The following PLCG2 variants were observed in gnomAD, a reference collection of about 807,000 sequenced individuals.
The protein encoded by PLCG2 is 1-phosphatidylinositol 4,5-bisphosphate phosphodiesterase gamma-2.
Under a neutral mutation model 175.6 loss-of-function variants are expected in PLCG2, and 69 were observed. That is an observed-to-expected ratio of 0.39 (90% CI 0.32 to 0.48). The LOEUF (loss-of-function observed/expected upper bound fraction) is 0.48, where lower values mean the gene tolerates loss of function less well. PLCG2 is among the 20% of genes least tolerant of loss of function. PLCG2 has a pLI of 0.91. For missense variants in PLCG2, 1,798 were observed against 1,650.9 expected (o/e 1.09, Z -1.54); for synonymous variants, 827 against 624.0 (o/e 1.33, Z -4.85).
intron 1 of PLCG2, among the ~76,000 whole-genome samples, chr16:81,782,538 C>T (rs114853677): frequency 0.013 from 1,994 of 152,280 alleles, 44 homozygotes; most frequent in African/African-American, 0.044. Context: ...TGGGTGCTGG[C>T]AGGATTTGAA....
At chr16:81,898,069 C>G (rs940770159) in intron 13 of PLCG2, 1 of 305,974 alleles carries the variant, frequency 3.3e-6, no homozygotes, top group African/African-American at 2.3e-5. Context: ...AGACACTGTG[C>G]AGTGGCAGCT....
chr16:81,887,640 A>G (rs1048690621), intron 9 of PLCG2, among the ~76,000 whole-genome samples: 4 of 152,096 alleles, frequency 2.6e-5, no homozygotes, highest in African/African-American at 7.2e-5. Flanking sequence ...CTGTTCTTCT[A>G]TTTTTCATTG....
chr16:81,783,618 C>T (rs978665403), intron 1 of PLCG2, among the ~76,000 whole-genome samples: 1 of 152,158 alleles, frequency 6.6e-6, no homozygotes, highest in African/African-American at 2.4e-5. Flanking sequence ...CTTGGGATTT[C>T]AGTTTTCCGC....
intron 2 of PLCG2, among the ~76,000 whole-genome samples, chr16:81,814,967 T>C (rs1904478546): frequency 6.6e-6 from 1 of 152,222 alleles, no homozygotes; most frequent in Non-Finnish European, 1.5e-5. Context: ...CTGCTGGAGA[T>C]GGTGGCGATA....
chr16:81,783,890 T>G (rs1200732287), intron 1 of PLCG2, among the ~76,000 whole-genome samples: 1 of 152,212 alleles, frequency 6.6e-6, no homozygotes, highest in African/African-American at 2.4e-5. Context: ...TAAAGCCAGT[T>G]CCTCCTGCTT....
At position 81,959,151 on chromosome 16, in the gene PLCG2, C is replaced by T. The variant is rs1911688223; in HGVS notation, c.*1153C>T. On this transcript the variant is annotated 3_prime_UTR_variant, in exon 33 of 33. Transcript: ENST00000564138. The stretch of plus-strand genomic sequence containing the variant: ...GAGGTGGTTGGTAGAGTCACAACTT[C>T]TCAATGAGTGAATTTACAGCTGATG... The T allele has an allele frequency of 8.9e-6, 2 of 224,542 alleles. No homozygotes were observed. Among genetic ancestry groups the T allele is most frequent in the East Asian group, 1.3e-4 (2 of 15,544 alleles). The allele number at this position is 224,542 out of a possible 1,614,324, so 13.9% of individuals were successfully genotyped here. A position where few individuals can be genotyped will look rare whatever the true frequency, so the allele number is the denominator to read the frequency against.
At position 81,859,271 on chromosome 16, in the gene PLCG2, C is replaced by G. The variant is rs1042179437; in HGVS notation, c.479+108C>G. The G allele has an allele frequency of 3.5e-5, 26 of 736,502 alleles. No homozygotes were observed. The African/African-American group carries it at 4.2e-4, about 12-fold the overall frequency. The allele number at this position is 736,502 out of a possible 1,614,324, so 45.6% of individuals were successfully genotyped here. ...TGACTTGTCGGGAGCAAGGTCCTCACTGCGTCCATTGTGATCTGCGGATGC... is the reference window on the plus strand; with the variant it reads ...TGACTTGTCGGGAGCAAGGTCCTCAGTGCGTCCATTGTGATCTGCGGATGC... On this transcript the variant is annotated intron_variant, in intron 5 of 32. Coordinates refer to ENST00000564138, the MANE Select transcript of PLCG2 (RefSeq NM_002661.5).
chr16:81,824,714 G>A (rs1904969535), intron 2 of PLCG2, among the ~76,000 whole-genome samples: 1 of 152,192 alleles, frequency 6.6e-6, no homozygotes, highest in Non-Finnish European at 1.5e-5. Flanking sequence ...GTGACCTCTG[G>A]CCTTTTTGTC....
intron 9 of PLCG2, among the ~76,000 whole-genome samples, chr16:81,886,324 C>G (rs757896811): frequency 3.3e-5 from 5 of 152,212 alleles, no homozygotes; most frequent in Non-Finnish European, 7.3e-5. Flanking sequence ...AGGACCCGAG[C>G]AGCCATGAGC....
At chr16:81,897,347 T>A (rs975743255) in intron 13 of PLCG2, among the ~76,000 whole-genome samples, 7 of 152,174 alleles carry the variant, frequency 4.6e-5, no homozygotes, top group Admixed American at 3.9e-4. Context: ...TGAGTACTAG[T>A]TTGGGCAAAG....
intron 1 of PLCG2, among the ~76,000 whole-genome samples, chr16:81,747,036 A>G (rs935803083): frequency 1.3e-5 from 2 of 152,204 alleles, no homozygotes; most frequent in Admixed American, 6.5e-5. Flanking sequence ...CAGTGAGATG[A>G]AAGTTAAAAG....
intron 1 of PLCG2, among the ~76,000 whole-genome samples, chr16:81,753,493 A>G (rs909703973): frequency 1.3e-5 from 2 of 150,932 alleles, no homozygotes; most frequent in South Asian, 4.2e-4. Flanking sequence ...ATCTTGGCTC[A>G]CTGATGCCTC....
chr16:81,820,802 G>T (rs529018143), intron 2 of PLCG2, among the ~76,000 whole-genome samples: 1 of 151,360 alleles, frequency 6.6e-6, no homozygotes, highest in East Asian at 1.9e-4. Context: ...TGTATTTTTA[G>T]TAGAGGCAGG....
At chr16:81,894,008 T>C (rs1908765118) in intron 12 of PLCG2, among the ~76,000 whole-genome samples, 1 of 149,054 alleles carries the variant, frequency 6.7e-6, no homozygotes, top group Non-Finnish European at 1.5e-5. Context: ...CTGTATCTCC[T>C]CAGCTTCCTC....
intron 1 of PLCG2, among the ~76,000 whole-genome samples, chr16:81,753,284 T>C (rs1909849562): frequency 6.7e-6 from 1 of 148,988 alleles, no homozygotes; most frequent in Admixed American, 6.7e-5. Context: ...TGGTAAAACA[T>C]CCACATTGGT....
intron 1 of PLCG2, chr16:81,785,713 A>T (rs1410147625): frequency 9.7e-6 from 3 of 310,262 alleles, no homozygotes; most frequent in Non-Finnish European, 1.8e-5. Flanking sequence ...AGCCCACGTA[A>T]CGGTTGGGTC....
chr16:81,867,946 G>T (rs12923507), intron 5 of PLCG2, among the ~76,000 whole-genome samples: 66,582 of 151,952 alleles, frequency 0.44, 16,103 homozygotes, highest in Non-Finnish European at 0.53. Flanking sequence ...TGATCCGCCC[G>T]CCTCAGCCTC....
intron 2 of PLCG2, among the ~76,000 whole-genome samples, chr16:81,771,692 A>G (rs564950993): frequency 1.3e-5 from 2 of 150,744 alleles, no homozygotes; most frequent in East Asian, 1.9e-4. Context: ...CCCCCACCCA[A>G]AAAAAACAAC....
intron 2 of PLCG2, among the ~76,000 whole-genome samples, chr16:81,841,950 G>GGTGTTGCAAGGAGAC (rs1282926631): frequency 1.3e-5 from 2 of 152,214 alleles, no homozygotes; most frequent in Non-Finnish European, 2.9e-5. Context: ...GTTGCAAGGT[G>GGTGTTGCAAGGAGAC]GTACAGAAAA....
Sources: allele counts gnomAD v4.1 joint callset (sites outside exome capture counted in the v4.1 genomes callset), GRCh38; gene constraint gnomAD v4.1.1; transcripts MANE v1.5; gene names NCBI Gene and HGNC (gene_info 2026-07-23, HGNC 2026-07-21).